The following TBX22 variants were observed in gnomAD, a reference collection of about 807,000 sequenced individuals.
TBX22 encodes T-box transcription factor 22, also known as T-box transcription factor TBX22.
TBX22 carries 8 observed loss-of-function variants against 30.1 expected under a neutral mutation model. The ratio of observed to expected loss-of-function variants is 0.27; its 90% CI spans 0.16 to 0.48. The LOEUF is 0.48. Among genes scored for constraint, TBX22 ranks in the 20% least tolerant of loss-of-function variants. The probability of loss-of-function intolerance (pLI) is 0.99; values close to 1 mark genes in which losing one functional copy is unlikely to be tolerated. For missense variants in TBX22, 463 were observed against 400.5 expected, an observed-to-expected ratio of 1.16 and a Z score of -1.33; for synonymous variants, 173 against 149.1, an observed-to-expected ratio of 1.16 and a Z score of -1.17.
intron 1 of TBX22, among the ~76,000 whole-genome samples, chrX:80,019,265 T>C (rs1923577109): frequency 9.1e-6 from 1 of 110,172 alleles, no homozygotes; most frequent in Admixed American, 9.7e-5. Context: ...TTCATTAAAG[T>C]GTTCATTAGA....
Position 80,030,698 on chromosome X carries a change from C to A in TBX22, c.1150C>A (p.Gln384Lys), listed in dbSNP as rs1353576298. The change falls in exon 9 of 9, where the codon CAA (glutamine) becomes AAA (lysine). Residue 384 changes from glutamine (Q) to lysine (K), a missense_variant. Gln to Lys is a moderately conservative substitution (Grantham distance 53). Coordinates refer to ENST00000373296, the MANE Select transcript of TBX22 (RefSeq NM_001109878.2). ...KICPTNFWQQ[Q>K]PLVLPAPERL... ...TTGTCCAACTAATTTTTGGCAACAG[C>A]AACCTCTTGTTTTACCGGCTCCTGA... The A allele has an allele frequency of 2.5e-6, 3 of 1,210,202 alleles. No individual in the cohort carries two copies. Among genetic ancestry groups the A allele is most frequent in the African/African-American group, 3.5e-5 (2 of 57,232 alleles).
At chrX:80,025,840 C>A (rs1923948433) in intron 5 of TBX22, 63 bp downstream of exon 5, 1 of 1,040,566 alleles carries the variant, frequency 9.6e-7, no homozygotes, top group South Asian at 2.0e-5. Context: ...CACTGGTCAC[C>A]CTGGAGAGGC....
intron 1 of TBX22, among the ~76,000 whole-genome samples, chrX:80,017,877 G>T (rs1204236578): frequency 8.9e-6 from 1 of 111,843 alleles, no homozygotes; most frequent in Non-Finnish European, 1.9e-5. Context: ...TCATAGGAAG[G>T]CCTTCACCAT....
chrX:80,024,525 T>C (rs1030309782), intron 4 of TBX22, among the ~76,000 whole-genome samples: 1 of 110,246 alleles, frequency 9.1e-6, no homozygotes, highest in Non-Finnish European at 1.9e-5. Context: ...GTTGAAGGAA[T>C]TGTGGGAGAA....
chrX:80,030,742 C>T lies in TBX22; in HGVS notation c.1194C>T (p.Asn398=), dbSNP rs1039395560. 4 of 1,211,966 alleles carry T rather than the reference C, an allele frequency of 3.3e-6. No individual in the cohort carries two copies. The highest frequency in any genetic ancestry group is 4.5e-6 in the Non-Finnish European group (4 of 895,562). Residue 398 remains asparagine (N), a synonymous_variant, in exon 9 of 9, where the codon AAC becomes AAT. Transcript: ENST00000373296. ...CTCCTGAAAGACTAGCAAGCAGCAA[C>T]AGTTCTCAGTCTTTAGCCCCACTCA... is the stretch of plus-strand genomic sequence containing the variant. ...LPAPERLASS[N]SSQSLAPLMM...
Position 80,014,851 on chromosome X carries a change from C to T in TBX22, c.-39C>T, listed in dbSNP as rs928472317. The stretch of plus-strand genomic sequence containing the variant: ...TTCAGAACCACTGGGCTGGCCTGGC[C>T]TCTTGACACAGCAACACACTGCTTC... On this transcript the variant is annotated 5_prime_UTR_variant, in exon 1 of 9. Coordinates refer to ENST00000373296, the MANE Select transcript of TBX22 (RefSeq NM_001109878.2). The T allele has an allele frequency of 2.7e-5, 3 of 112,221 alleles. No homozygotes were observed. The highest frequency in any genetic ancestry group is 9.7e-5 in the African/African-American group (3 of 30,821). The allele number at this position is 112,221 out of a possible 1,213,427, so 9.2% of individuals were successfully genotyped here.
In TBX22 at chrX:80,031,673, T is replaced by C. The variant is rs1924257678; in HGVS notation, c.*562T>C. On this transcript the variant is annotated 3_prime_UTR_variant, in exon 9 of 9. Transcript: ENST00000373296. ...GGACACAAACTTTCAAGTATTATAT[T>C]TTATTTATCTTTGTAGCCTAAAGAC... The C allele has an allele frequency of 8.9e-6, 1 of 112,055 alleles. No individual in the cohort carries two copies. Among genetic ancestry groups the C allele is most frequent in the African/African-American group, 3.2e-5 (1 of 30,847 alleles). The allele number at this position is 112,055 out of a possible 1,213,427, so 9.2% of individuals were successfully genotyped here.
At chrX:80,022,200 C>T in intron 1 of TBX22, 68 bp from the exon 2 acceptor site, 1 of 1,073,739 alleles carries the variant, frequency 9.3e-7, no homozygotes. Context: ...CCGCCTGTGT[C>T]TCCCCCTCCC....
At position 80,031,353 on chromosome X, in the gene TBX22, C is replaced by T; in HGVS notation, c.*242C>T. 2.7e-6 allele frequency: 1 copy of T among 368,312 alleles called. No homozygotes were observed. The highest frequency in any genetic ancestry group is 4.5e-5 in the East Asian group (1 of 22,371). 30.4% of individuals were successfully genotyped at this position (368,312 alleles called of 1,213,427 possible). ...GCCTTGAGCTTCAAAATGAGATATG[C>T]AATAAATATTATTTGATGATACTCC... On this transcript the variant is annotated 3_prime_UTR_variant, in exon 9 of 9. Transcript: ENST00000373296.
At chrX:80,016,330 A>T (rs1452730240) in intron 1 of TBX22, among the ~76,000 whole-genome samples, 1 of 111,856 alleles carries the variant, frequency 8.9e-6, no homozygotes, top group Non-Finnish European at 1.9e-5. Context: ...TAACAGAAGG[A>T]TCTGCTTCTG....
chrX:80,021,396 G>A (rs1164423801), intron 1 of TBX22, among the ~76,000 whole-genome samples: 1 of 111,499 alleles, frequency 9.0e-6, no homozygotes, highest in Admixed American at 9.5e-5. Flanking sequence ...ACAGAAGAGA[G>A]CGGATAAACT....
At chrX:80,024,843 C>A (rs1923898647) in intron 4 of TBX22, among the ~76,000 whole-genome samples, 1 of 111,144 alleles carries the variant, frequency 9.0e-6, no homozygotes, top group Non-Finnish European at 1.9e-5. Context: ...AGCTTGCCAA[C>A]ACTTTGACTC....
In TBX22 at chrX:80,023,040, C is replaced by A; in HGVS notation, c.176-20C>A. The A allele has an allele frequency of 8.3e-7, 1 of 1,208,355 alleles. No homozygotes were observed. The highest frequency in any genetic ancestry group is 1.1e-6 in the Non-Finnish European group (1 of 893,116). On this transcript the variant is annotated intron_variant, in intron 2 of 8. Transcript: ENST00000373296. ...CTGTGACGCTCTCTCAAACCCTGAG[C>A]GCCTTTCTGTGTCCAGCAGAAAAAC...
chrX:80,022,226 A>T (rs1401736269), intron 1 of TBX22, 42 bp from the exon 2 acceptor site: 2 of 1,189,917 alleles, frequency 1.7e-6, no homozygotes, highest in East Asian at 6.0e-5. Context: ...AACCCAGTTC[A>T]GGTTGAAACT....
At chrX:80,024,812 G>C (rs1345547218) in intron 4 of TBX22, among the ~76,000 whole-genome samples, 1 of 111,462 alleles carries the variant, frequency 9.0e-6, no homozygotes, top group Non-Finnish European at 1.9e-5. Context: ...AAGCCCTTCT[G>C]GGATACACCC....
chrX:80,029,270 A>G (rs1473483862), intron 8 of TBX22, among the ~76,000 whole-genome samples: 1 of 112,203 alleles, frequency 8.9e-6, no homozygotes, highest in African/African-American at 3.2e-5. Flanking sequence ...CAGCAACACT[A>G]AAAAAGAAAC....
chrX:80,026,995 T>A (rs927930555), intron 6 of TBX22, 127 bp downstream of exon 6: 17 of 731,222 alleles, frequency 2.3e-5, no homozygotes, highest in Non-Finnish European at 2.3e-5. Flanking sequence ...TTTTATTGTA[T>A]TGTCATCCAT....
At chrX:80,021,084 T>C (rs1311535855) in intron 1 of TBX22, among the ~76,000 whole-genome samples, 1 of 111,267 alleles carries the variant, frequency 9.0e-6, no homozygotes, top group Non-Finnish European at 1.9e-5. Context: ...AAAAAGAAAC[T>C]TGTATATTCA....
chrX:80,031,036 C>G lies in TBX22; in HGVS notation c.1488C>G (p.Asp496Glu). 3 of 1,210,407 alleles carry G rather than the reference C, an allele frequency of 2.5e-6. No homozygotes were observed. The highest frequency in any genetic ancestry group is 3.4e-6 in the Non-Finnish European group (3 of 894,319). Residue 496 changes from aspartate to glutamate, a missense_variant, in exon 9 of 9, where the codon GAC becomes GAG. Transcript: ENST00000373296. ...ISGSNHLKVN[D>E]DSQVSFGEGK... Reference sequence around the variant, plus strand: ...GTTCCAACCATCTTAAAGTGAATGACGACAGTCAAGTTTCTTTTGGAGAAG... The same window carrying G: ...GTTCCAACCATCTTAAAGTGAATGAGGACAGTCAAGTTTCTTTTGGAGAAG...
Sources: allele counts gnomAD v4.1 joint callset (sites outside exome capture counted in the v4.1 genomes callset), GRCh38; gene constraint gnomAD v4.1.1; transcripts MANE v1.5; gene names NCBI Gene and HGNC (gene_info 2026-07-23, HGNC 2026-07-21).